Variants in PCDHGB4 observed in about 807,000 individuals in gnomAD.
PCDHGB4 encodes the protein protocadherin gamma subfamily B, 4.
PCDHGB4 carries 38 observed loss-of-function variants against 60.5 expected under a neutral mutation model. The observed-to-expected ratio is 0.63, with a 90% confidence interval of 0.48 to 0.82. The LOEUF is 0.82. PCDHGB4 is among the 40% of genes least tolerant of loss of function. PCDHGB4 has a pLI of 0.00. For missense variants in PCDHGB4, 1,109 were observed against 1,209.6 expected (o/e 0.92, Z 1.23); for synonymous variants, 456 against 509.7 (o/e 0.89, Z 1.42).
At chr5:141,398,075 A>T in intron 1 of PCDHGB4, 1 of 1,592,106 alleles carries the variant, frequency 6.3e-7, no homozygotes, top group Non-Finnish European at 8.6e-7. Flanking sequence ...TACAGAGGTT[A>T]TTTGTAACCT....
At chr5:141,422,171 T>C (rs1204753893) in intron 1 of PCDHGB4, 4 of 1,564,922 alleles carry the variant, frequency 2.6e-6, no homozygotes, top group Non-Finnish European at 3.4e-6. Context: ...AAATATAGAT[T>C]CTATGAGATG....
intron 1 of PCDHGB4, chr5:141,404,304 C>T (rs1182256144): frequency 1.2e-6 from 2 of 1,613,858 alleles, no homozygotes; most frequent in African/African-American, 2.7e-5. Flanking sequence ...AATCCACCTG[C>T]TTTCTCTCAA....
Position 141,388,333 on chromosome 5 carries a change from C to G in PCDHGB4, c.449C>G (p.Thr150Arg), listed in dbSNP as rs962073146. The G allele has an allele frequency of 6.2e-7, 1 of 1,613,738 alleles. No individual in the cohort carries two copies. The highest frequency in any genetic ancestry group is 1.3e-5 in the African/African-American group (1 of 74,892). Residue 150 changes from threonine (T) to arginine (R), a missense_variant, in exon 1 of 4, where the codon ACA (threonine) becomes AGA (arginine). Physicochemically the swap from Thr to Arg is moderately conservative, Grantham distance 71. Around this residue, in one of 2 missense-constraint regions of PCDHGB4, gnomAD observed 1,068 missense variants for 1,089.9 expected, o/e 0.98. Transcript: ENST00000519479. ...ATAAGTGAGTCTGCACAGCCTGGCA[C>G]ACGATTTATATTAGGATCTGCCCAT... ...LQISESAQPG[T>R]RFILGSAHDA...
intron 1 of PCDHGB4, chr5:141,398,793 A>G (rs376843278): frequency 2.5e-5 from 41 of 1,613,830 alleles, no homozygotes; most frequent in South Asian, 1.1e-5. Flanking sequence ...ATCCACCCCT[A>G]AGCGGCACCA....
At chr5:141,414,829 T>C (rs746789783) in intron 1 of PCDHGB4, 18 of 1,614,078 alleles carry the variant, frequency 1.1e-5, no homozygotes, top group Non-Finnish European at 1.5e-5. Context: ...CAACGTGTCG[T>C]TGAGCCTGTT....
chr5:141,423,374 G>T (rs1356564295), intron 1 of PCDHGB4: 2 of 1,614,188 alleles, frequency 1.2e-6, no homozygotes, highest in Admixed American at 1.7e-5. Context: ...CTGGCACTCA[G>T]GCTGTGGCGC....
At chr5:141,404,642 T>C in intron 1 of PCDHGB4, 20 of 1,614,190 alleles carry the variant, frequency 1.2e-5, no homozygotes, top group Non-Finnish European at 1.7e-5. Flanking sequence ...AGAAATCCTG[T>C]ACCCTGCCCT....
intron 1 of PCDHGB4, among the ~76,000 whole-genome samples, chr5:141,438,792 G>T (rs2098065674): frequency 6.7e-6 from 1 of 149,346 alleles, no homozygotes. Flanking sequence ...CTCTCCAGTA[G>T]CTGGGATTAC....
At chr5:141,422,568 C>A (rs372115955) in intron 1 of PCDHGB4, 5 of 1,613,904 alleles carry the variant, frequency 3.1e-6, no homozygotes, top group Admixed American at 3.3e-5. Context: ...CAGATGACAA[C>A]GATAACCCTC....
rs774342496 is a variant in PCDHGB4 at position 141,389,158 on chromosome 5, G to C, written c.1274G>C (p.Arg425Pro). Reference protein sequence around the residue: ...EYNITVTATDRGKPPLSSSSS... With the variant: ...EYNITVTATDPGKPPLSSSSS... ...AATATAACCGTTACGGCAACAGATC[G>C]GGGCAAGCCTCCCCTCTCCTCCAGT... Residue 425 changes from arginine to proline, a missense_variant, in exon 1 of 4, where the codon CGG becomes CCG. Transcript: ENST00000519479. 5.6e-6 allele frequency: 9 copies of C among 1,613,968 alleles called. No individual in the cohort carries two copies. The highest frequency in any genetic ancestry group is 7.6e-6 in the Non-Finnish European group (9 of 1,179,878).
In PCDHGB4 at chr5:141,489,515, G is replaced by A. The variant is rs983415025; in HGVS notation, c.2398-5292G>A. On this transcript the variant is annotated intron_variant, in intron 1 of 3. Coordinates refer to ENST00000519479, the MANE Select transcript of PCDHGB4 (RefSeq NM_003736.4). The surrounding 1 kb of genome is among the most constrained non-coding windows in gnomAD (Gnocchi z 4.5). ...CTGGCAGTGAATCAAAAGATTGACC[G>A]AGAAAGCCTATGTGGAGCCAGCACC... 2 of 1,614,104 alleles carry A rather than the reference G, an allele frequency of 1.2e-6. No homozygotes were observed. Among genetic ancestry groups the A allele is most frequent in the Non-Finnish European group, 8.5e-7 (1 of 1,180,034 alleles).
chr5:141,415,130 A>G (rs2095833213), intron 1 of PCDHGB4: 3 of 1,613,636 alleles, frequency 1.9e-6, no homozygotes, highest in South Asian at 1.1e-5. Flanking sequence ...GCCGTCCAGG[A>G]CCACGGCCAG....
At chr5:141,390,334 A>T (rs764594293) in intron 1 of PCDHGB4, 53 bp downstream of exon 1, 1 of 1,597,538 alleles carries the variant, frequency 6.3e-7, no homozygotes, top group Non-Finnish European at 8.5e-7. Flanking sequence ...ATTTCTCCAT[A>T]TTCACAAGAA....
chr5:141,391,875 T>C (rs2092433581), intron 1 of PCDHGB4: 2 of 152,212 alleles, frequency 1.3e-5, no homozygotes, highest in Non-Finnish European at 2.9e-5. Context: ...ATCATCTCTT[T>C]GGTGAAAGGG....
rs549829392 is a variant in PCDHGB4 at position 141,403,606 on chromosome 5, C to T, written c.2397+13325C>T. The T allele has an allele frequency of 3.1e-5, 50 of 1,613,710 alleles. No homozygotes were observed. The East Asian group carries it at 8.5e-4, about 27-fold the overall frequency. Reference sequence around the variant, plus strand: ...TGGTCCTCACGGCCTCGGATGGCGGCGAGCCGCGTCGCTCCAGCACAGTGC... The same window carrying T: ...TGGTCCTCACGGCCTCGGATGGCGGTGAGCCGCGTCGCTCCAGCACAGTGC... On this transcript the variant is annotated intron_variant, in intron 1 of 3. Coordinates refer to ENST00000519479, the MANE Select transcript of PCDHGB4 (RefSeq NM_003736.4).
chr5:141,447,235 G>T (rs1458489257), intron 1 of PCDHGB4, among the ~76,000 whole-genome samples: 1 of 152,084 alleles, frequency 6.6e-6, no homozygotes, highest in Non-Finnish European at 1.5e-5. Flanking sequence ...CGCCTCCCGG[G>T]TTCAAGTGAT....
At chr5:141,402,935 T>G in intron 1 of PCDHGB4, 1 of 1,587,712 alleles carries the variant, frequency 6.3e-7, no homozygotes, top group Non-Finnish European at 8.6e-7. Context: ...TTTGAGAAAA[T>G]TCCAAAGCGA....
intron 3 of PCDHGB4, among the ~76,000 whole-genome samples, chr5:141,509,338 C>T (rs2099876319): frequency 6.6e-6 from 1 of 152,188 alleles, no homozygotes; most frequent in Admixed American, 6.5e-5. Flanking sequence ...CCAGCTGGGC[C>T]TGGGCTGGCC....
Position 141,490,826 on chromosome 5 carries a change from T to A in PCDHGB4, c.2398-3981T>A, listed in dbSNP as rs1195265146. ...ACCTTTGACTATGAATTGCTGCAGA[T>A]GCTGCAGATTGTGGTGGGGGTTCGA... On this transcript the variant is annotated intron_variant, in intron 1 of 3. Coordinates refer to ENST00000519479, the MANE Select transcript of PCDHGB4 (RefSeq NM_003736.4). The surrounding 1 kb of genome is among the most constrained non-coding windows in gnomAD (Gnocchi z 5.4). 6.2e-7 allele frequency: 1 copy of A among 1,613,736 alleles called. No homozygotes were observed. The highest frequency in any genetic ancestry group is 8.5e-7 in the Non-Finnish European group (1 of 1,179,796).
Sources: gnomAD v4.1 joint callset for allele counts (sites outside exome capture counted in the v4.1 genomes callset) on GRCh38, gnomAD v4.1.1 for gene constraint, gnomAD v4.1.1 regional missense constraint, Gnocchi (gnomAD v3.1) non-coding constraint, MANE v1.5 for transcripts, NCBI Gene and HGNC (gene_info 2026-07-23, HGNC 2026-07-21) for gene names.